The following ANKRD6 variants were observed in gnomAD, a reference collection of about 807,000 sequenced individuals.
ANKRD6 encodes ankyrin repeat domain-containing protein 6.
A neutral mutation model predicts 82.3 loss-of-function variants in ANKRD6; 56 were observed. That is an observed-to-expected ratio of 0.68 (90% confidence interval 0.55 to 0.85). The LOEUF (loss-of-function observed/expected upper bound fraction) is 0.85, where lower values mean the gene tolerates loss of function less well. ANKRD6 is among the 40% of genes least tolerant of loss of function. The pLI is 0.00. For missense variants in ANKRD6, 852 were observed against 907.6 expected (o/e 0.94, Z 0.79); for synonymous variants, 347 against 352.1 (o/e 0.99, Z 0.16).
chr6:89,564,557 G>A (rs899671494), intron 1 of ANKRD6, among the ~76,000 whole-genome samples: 1 of 152,066 alleles, frequency 6.6e-6, no homozygotes, highest in Admixed American at 6.5e-5. Context: ...GGTGGGAGGG[G>A]AGTGGCTATC....
intron 1 of ANKRD6, among the ~76,000 whole-genome samples, chr6:89,455,882 C>T: frequency 6.7e-6 from 1 of 149,660 alleles, no homozygotes; most frequent in South Asian, 2.1e-4. Context: ...CTCTCTCTCT[C>T]TTTTTTTTTT....
At chr6:89,544,617 T>G (rs1302628878) in intron 1 of ANKRD6, among the ~76,000 whole-genome samples, 2 of 151,576 alleles carry the variant, frequency 1.3e-5, no homozygotes, top group Non-Finnish European at 2.9e-5. Flanking sequence ...AGGAGGCTGA[T>G]GCAGGAGAAT....
intron 1 of ANKRD6, among the ~76,000 whole-genome samples, chr6:89,511,971 G>A (rs1393707717): frequency 6.6e-6 from 1 of 151,774 alleles, no homozygotes; most frequent in East Asian, 1.9e-4. Flanking sequence ...TAGAGACAAG[G>A]TCTCACTCTG....
chr6:89,558,739 T>C (rs1197427489), intron 1 of ANKRD6, among the ~76,000 whole-genome samples: 1 of 149,116 alleles, frequency 6.7e-6, no homozygotes, highest in Non-Finnish European at 1.5e-5. Context: ...AATAATACTG[T>C]ATCAATATTG....
chr6:89,559,507 GA>G (rs1360257997), intron 1 of ANKRD6, among the ~76,000 whole-genome samples: 2 of 152,194 alleles, frequency 1.3e-5, no homozygotes, highest in Non-Finnish European at 2.9e-5. Context: ...GGTTTCAGTG[GA>G]AAAACTGGGG....
intron 5 of ANKRD6, among the ~76,000 whole-genome samples, chr6:89,608,368 C>CACACACACACACACACACACTA: frequency 2.3e-5 from 3 of 130,812 alleles, no homozygotes; most frequent in African/African-American, 9.1e-5. Flanking sequence ...CACACACACA[C>CACACACACACACACACACACTA]TATATATATA....
intron 9 of ANKRD6, chr6:89,618,272 C>A: frequency 1.5e-6 from 1 of 666,478 alleles, no homozygotes; most frequent in Admixed American, 2.1e-5. Context: ...TTTGTCACGG[C>A]CAGCTGCCTA....
chr6:89,557,638 T>A (rs527457743), intron 1 of ANKRD6, among the ~76,000 whole-genome samples: 1 of 152,314 alleles, frequency 6.6e-6, no homozygotes, highest in African/African-American at 2.4e-5. Flanking sequence ...CCCCAGACCG[T>A]GGACCAGTAC....
chr6:89,620,437 C>T (rs1802785694), intron 9 of ANKRD6, among the ~76,000 whole-genome samples: 1 of 152,172 alleles, frequency 6.6e-6, no homozygotes, highest in South Asian at 2.1e-4. Flanking sequence ...ATTAAGAGTC[C>T]ATACATCAGG....
chr6:89,572,108 A>G (rs563181082), intron 2 of ANKRD6, among the ~76,000 whole-genome samples: 2 of 152,204 alleles, frequency 1.3e-5, no homozygotes, highest in East Asian at 3.9e-4. Flanking sequence ...TTGATAGTTC[A>G]TTTCCTTTTA....
At chr6:89,618,486 A>G (rs1802182707) in intron 9 of ANKRD6, 1 of 395,558 alleles carries the variant, frequency 2.5e-6, no homozygotes, top group Non-Finnish European at 4.6e-6. Flanking sequence ...GGAGATAGTT[A>G]AGTACAGTCT....
At chr6:89,541,634 C>T (rs903921610) in intron 1 of ANKRD6, among the ~76,000 whole-genome samples, 7 of 151,678 alleles carry the variant, frequency 4.6e-5, no homozygotes, top group African/African-American at 1.4e-4. Flanking sequence ...CCTTGTGATC[C>T]GCCTGCCTCG....
intron 1 of ANKRD6, among the ~76,000 whole-genome samples, chr6:89,559,004 T>C (rs1167675498): frequency 1.3e-5 from 2 of 152,314 alleles, no homozygotes; most frequent in African/African-American, 4.8e-5. Context: ...CTTGAGAGTG[T>C]AGCATAAAAC....
Position 89,566,816 on chromosome 6 carries a change from T to G in ANKRD6, c.-143-18T>G. On this transcript the variant is annotated intron_variant, in intron 1 of 15. Transcript: ENST00000339746. ...GTGTCAAGTGGCCCTGATGGCACCT[T>G]TGTTTTGTAACCCCTAGGTCCCGAA... 2.0e-6 allele frequency: 2 copies of G among 976,880 alleles called. No individual in the cohort carries two copies. Among genetic ancestry groups the G allele is most frequent in the Admixed American group, 5.5e-5 (2 of 36,190 alleles). 60.5% of individuals were successfully genotyped at this position (976,880 alleles called of 1,614,324 possible).
chr6:89,480,771 C>T (rs1225041128), intron 1 of ANKRD6, among the ~76,000 whole-genome samples: 1 of 150,426 alleles, frequency 6.6e-6, no homozygotes, highest in African/African-American at 2.4e-5. Flanking sequence ...GACCACATCT[C>T]TACATTTTTT....
At chr6:89,515,802 G>A (rs1781139566) in intron 1 of ANKRD6, among the ~76,000 whole-genome samples, 3 of 152,216 alleles carry the variant, frequency 2.0e-5, no homozygotes. Context: ...CTGGAGAGAA[G>A]GTGCCTCTCC....
intron 3 of ANKRD6, chr6:89,602,017 G>A (rs1797294593): frequency 1.3e-5 from 2 of 152,270 alleles, no homozygotes; most frequent in Non-Finnish European, 2.9e-5. Context: ...GCAATGGAGG[G>A]ACCCTGGGAT....
At chr6:89,524,721 T>C (rs773738878) in intron 1 of ANKRD6, among the ~76,000 whole-genome samples, 24 of 152,180 alleles carry the variant, frequency 1.6e-4, no homozygotes, top group Admixed American at 5.2e-4. Context: ...ATATAATGAC[T>C]TCTTTTTCTT....
In ANKRD6 at chr6:89,433,607, A is replaced by G. The variant is rs1770234071; in HGVS notation, c.-144+232A>G. 2.6e-5 allele frequency among the ~76,000 whole-genome samples: 4 copies of G among 152,098 alleles called. No homozygotes were observed. Among genetic ancestry groups the G allele is most frequent in the Admixed American group, 2.6e-4 (4 of 15,276 alleles). On this transcript the variant is annotated intron_variant, in intron 1 of 15. Transcript: ENST00000339746. This position sits in a 1 kb window ranked among gnomAD's most constrained non-coding sequence, Gnocchi z 4.3. ...GGCGCCTCCCTCTTCGCCTGGCATC[A>G]GTTGCCTCCCTGGAATATGGAACTT... is the stretch of plus-strand genomic sequence containing the variant.
Sources: gnomAD v4.1 joint callset for allele counts (sites outside exome capture counted in the v4.1 genomes callset) on GRCh38, gnomAD v4.1.1 for gene constraint, Gnocchi (gnomAD v3.1) non-coding constraint, MANE v1.5 for transcripts, NCBI Gene and HGNC (gene_info 2026-07-23, HGNC 2026-07-21) for gene names.